CTNNA3: variants seen among roughly 807,000 people sequenced by gnomAD.
The protein encoded by CTNNA3 is catenin alpha-3.
Under a neutral mutation model 95.7 loss-of-function variants are expected in CTNNA3, and 76 were observed. The observed-to-expected ratio is 0.79, with a 90% CI of 0.66 to 0.96. The LOEUF (loss-of-function observed/expected upper bound fraction) is 0.96. Among genes scored for constraint, CTNNA3 ranks in the 40% least tolerant of loss-of-function variants. The pLI, the probability that CTNNA3 is intolerant of heterozygous loss-of-function variation, is 0.00. For synonymous variants in CTNNA3, 431 were observed against 374.4 expected, an observed-to-expected ratio of 1.15 and a Z score of -1.74; for missense variants, 1,191 against 1,089.8, an observed-to-expected ratio of 1.09 and a Z score of -1.31.
intron 7 of CTNNA3, among the ~76,000 whole-genome samples, chr10:66,954,903 GTAA>G (rs1178917915): frequency 6.6e-6 from 1 of 152,148 alleles, no homozygotes; most frequent in Non-Finnish European, 1.5e-5. Flanking sequence ...TCATTGGCTT[GTAA>G]TGTAATTTTG....
intron 9 of CTNNA3, among the ~76,000 whole-genome samples, chr10:66,738,426 A>G (rs1589193634): frequency 6.6e-6 from 1 of 152,196 alleles, no homozygotes; most frequent in African/African-American, 2.4e-5. Context: ...CACAAGCTGC[A>G]TCTCTGCAAA....
intron 9 of CTNNA3, among the ~76,000 whole-genome samples, chr10:66,741,701 A>T (rs924557736): frequency 5.9e-5 from 9 of 152,338 alleles, no homozygotes; most frequent in African/African-American, 2.2e-4. Context: ...TGGCAGAAGA[A>T]CATAAATTGT....
At chr10:67,718,631 C>A (rs566426496) in intron 1 of CTNNA3, among the ~76,000 whole-genome samples, 1 of 152,118 alleles carries the variant, frequency 6.6e-6, no homozygotes, top group African/African-American at 2.4e-5. Flanking sequence ...ATATGTTGAA[C>A]GAGCCTTGCA....
chr10:67,253,686 A>G (rs1564514360), intron 5 of CTNNA3, among the ~76,000 whole-genome samples: 1 of 152,218 alleles, frequency 6.6e-6, no homozygotes, highest in East Asian at 1.9e-4. Flanking sequence ...TGCCAATACC[A>G]TGGGAGATTG....
chr10:67,451,589 T>G, intron 5 of CTNNA3, among the ~76,000 whole-genome samples: 1 of 152,198 alleles, frequency 6.6e-6, no homozygotes, highest in East Asian at 1.9e-4. Flanking sequence ...GTTCTGGCTC[T>G]TATCCTAGAT....
chr10:67,758,023 G>C (rs899882662), intron 1 of CTNNA3, among the ~76,000 whole-genome samples: 9 of 152,066 alleles, frequency 5.9e-5, no homozygotes, highest in African/African-American at 1.9e-4. Flanking sequence ...ATGCAGGCAG[G>C]AAGTATCCAA....
intron 7 of CTNNA3, among the ~76,000 whole-genome samples, chr10:67,048,549 C>T (rs185368141): frequency 1.3e-5 from 2 of 152,112 alleles, no homozygotes; most frequent in Non-Finnish European, 2.9e-5. Flanking sequence ...GGAAAAATAT[C>T]AAAATACCTT....
intron 11 of CTNNA3, among the ~76,000 whole-genome samples, chr10:66,478,814 A>G (rs2131894788): frequency 6.6e-6 from 1 of 152,012 alleles, no homozygotes; most frequent in Admixed American, 6.6e-5. Flanking sequence ...CAGAATAATG[A>G]TAATATTTAG....
chr10:67,698,939 G>A (rs973744742), upstream of CTNNA3, among the ~76,000 whole-genome samples: 4 of 151,862 alleles, frequency 2.6e-5, no homozygotes, highest in East Asian at 1.9e-4. Flanking sequence ...AAGAACAGAA[G>A]CCATCTGGAA....
intron 6 of CTNNA3, among the ~76,000 whole-genome samples, chr10:67,208,118 A>C (rs2132231717): frequency 6.6e-6 from 1 of 152,270 alleles, no homozygotes; most frequent in Admixed American, 6.5e-5. Flanking sequence ...CATGCCTGTA[A>C]TCCTAGCACT....
chr10:66,440,778 G>C (rs1564964999), intron 11 of CTNNA3, among the ~76,000 whole-genome samples: 2 of 151,866 alleles, frequency 1.3e-5, no homozygotes, highest in African/African-American at 4.8e-5. Flanking sequence ...CCTGTGTACA[G>C]TTTCTTGTTT....
chr10:66,044,566 T>C (rs1419689803), intron 15 of CTNNA3, among the ~76,000 whole-genome samples: 1 of 152,194 alleles, frequency 6.6e-6, no homozygotes, highest in Non-Finnish European at 1.5e-5. Flanking sequence ...TAGCTATCTA[T>C]GATGACTATT....
intron 15 of CTNNA3, among the ~76,000 whole-genome samples, chr10:66,021,330 A>T (rs112568297): frequency 6.6e-6 from 1 of 152,216 alleles, no homozygotes; most frequent in African/African-American, 2.4e-5. Flanking sequence ...ACTGAAGAGC[A>T]ATCCACATCC....
At chr10:67,641,898 A>T (rs1311526818) in intron 2 of CTNNA3, among the ~76,000 whole-genome samples, 2 of 152,204 alleles carry the variant, frequency 1.3e-5, no homozygotes, top group Non-Finnish European at 2.9e-5. Flanking sequence ...TAGGAGGTAT[A>T]CCTAATGTAA....
chr10:66,010,437 G>A (rs1252050691), intron 15 of CTNNA3, among the ~76,000 whole-genome samples: 4 of 151,676 alleles, frequency 2.6e-5, no homozygotes, highest in African/African-American at 9.7e-5. Context: ...AGGAGAAAGA[G>A]GAATTCAAAT....
At chr10:65,939,979 C>T (rs184724316) in intron 17 of CTNNA3, among the ~76,000 whole-genome samples, 1 of 152,192 alleles carries the variant, frequency 6.6e-6, no homozygotes, top group East Asian at 1.9e-4. Flanking sequence ...TGGAATTGAG[C>T]AATGGATTTC....
At chr10:66,767,313 GCAGGCACCTGTACTCC>G (rs1192276001) in intron 8 of CTNNA3, among the ~76,000 whole-genome samples, 2 of 151,926 alleles carry the variant, frequency 1.3e-5, no homozygotes, top group Non-Finnish European at 2.9e-5. Flanking sequence ...GGGCATAGTG[GCAGGCACCTGTACTCC>G]CAGCTACTTG....
intron 5 of CTNNA3, among the ~76,000 whole-genome samples, chr10:67,305,144 G>C (rs1003174766): frequency 6.6e-6 from 1 of 151,854 alleles, no homozygotes; most frequent in Non-Finnish European, 1.5e-5. Context: ...GGAGTGGTGG[G>C]GGGCGCCCGT....
At chr10:67,266,656 G>A (rs1322280565) in intron 5 of CTNNA3, among the ~76,000 whole-genome samples, 1 of 152,162 alleles carries the variant, frequency 6.6e-6, no homozygotes, top group Non-Finnish European at 1.5e-5. Context: ...ACTTTGTGGA[G>A]ATGAGTAACT....
Sources: gnomAD v4.1 joint callset for allele counts (sites outside exome capture counted in the v4.1 genomes callset) on GRCh38, gnomAD v4.1.1 for gene constraint, MANE v1.5 for transcripts, NCBI Gene and HGNC (gene_info 2026-07-23, HGNC 2026-07-21) for gene names.